Variants in GREB1L observed in about 807,000 individuals in gnomAD.
GREB1L encodes the protein GREB1 like retinoic acid receptor coactivator, also known as GREB1-like protein.
A neutral mutation model predicts 200.8 loss-of-function variants in GREB1L; 17 were observed. That is an observed-to-expected ratio of 0.08 (90% CI 0.06 to 0.13). GREB1L has a LOEUF of 0.13. Ranked by LOEUF, GREB1L falls within the 10% of genes least tolerant of loss-of-function variation. The probability of loss-of-function intolerance (pLI) is 1.00; values close to 1 mark genes in which losing one functional copy is unlikely to be tolerated. For synonymous variants in GREB1L, 789 were observed against 893.0 expected, an observed-to-expected ratio of 0.88 and a Z score of 2.08; for missense variants, 1,657 against 2,367.7, an observed-to-expected ratio of 0.70 and a Z score of 6.23.
At chr18:21,288,156 C>G (rs1483113830) in intron 1 of GREB1L, among the ~76,000 whole-genome samples, 1 of 152,108 alleles carries the variant, frequency 6.6e-6, no homozygotes, top group Non-Finnish European at 1.5e-5. Context: ...ACTTTTTCCC[C>G]CATTCTTTTT....
At chr18:21,358,103 C>A (rs1471605163) in intron 1 of GREB1L, among the ~76,000 whole-genome samples, 1 of 152,084 alleles carries the variant, frequency 6.6e-6, no homozygotes, top group African/African-American at 2.4e-5. Context: ...CACAAGATAT[C>A]TTTCCATTTA....
At chr18:21,426,230 G>A (rs1292349274) in intron 7 of GREB1L, among the ~76,000 whole-genome samples, 1 of 151,684 alleles carries the variant, frequency 6.6e-6, no homozygotes, top group Non-Finnish European at 1.5e-5. Context: ...CTAATTTTTT[G>A]TATTTTTGGT....
Position 21,520,689 on chromosome 18 carries a change from T to C in GREB1L, c.5474T>C (p.Val1825Ala). The C allele has an allele frequency of 6.4e-7, 1 of 1,551,646 alleles. No individual in the cohort carries two copies. Among genetic ancestry groups the C allele is most frequent in the Non-Finnish European group, 8.7e-7 (1 of 1,146,974 alleles). The change falls in exon 32 of 33, where the codon GTG becomes GCG. Residue 1825 changes from valine to alanine, a missense_variant and splice_region_variant. Physicochemically the swap from Val to Ala is moderately conservative, Grantham distance 64 (BLOSUM62 0). This residue lies in a region of GREB1L where 190 missense variants were observed against 230.2 expected (regional missense o/e 0.83). Transcript: ENST00000424526. ...GCTATTTTTGCTTGATGATTTCAGGTGGCCATATGCTATATCAGCTCCAGA... is the reference window on the plus strand; with the variant it reads ...GCTATTTTTGCTTGATGATTTCAGGCGGCCATATGCTATATCAGCTCCAGA... ...IDCYLNIGPE[V>A]AICYISSRPH...
chr18:21,259,658 T>C (rs1201531463), intron 1 of GREB1L, among the ~76,000 whole-genome samples: 2 of 152,106 alleles, frequency 1.3e-5, no homozygotes, highest in African/African-American at 2.4e-5. Context: ...AAGAATTCAA[T>C]TGAACTTATA....
intron 4 of GREB1L, among the ~76,000 whole-genome samples, chr18:21,390,877 A>G (rs1319701566): frequency 6.6e-6 from 1 of 152,232 alleles, no homozygotes; most frequent in African/African-American, 2.4e-5. Flanking sequence ...CAAAACAAAA[A>G]TTTTAATACA....
At chr18:21,370,501 T>C (rs2039832169) in intron 2 of GREB1L, among the ~76,000 whole-genome samples, 1 of 152,226 alleles carries the variant, frequency 6.6e-6, no homozygotes. Context: ...CATCAGGGAA[T>C]GTTTTTAATA....
rs1196955494 is a variant in GREB1L, at chr18:21,485,769, G to A, written c.2690+16G>A. Reference sequence around the variant, plus strand: ...TCTTGGAGAGGTAAATAGTAAATAAGGCCTTCTGCTCTTCTCTCTAGCTGT... The same window carrying A: ...TCTTGGAGAGGTAAATAGTAAATAAAGCCTTCTGCTCTTCTCTCTAGCTGT... On this transcript the variant is annotated intron_variant, in intron 18 of 32. Coordinates refer to ENST00000424526, the MANE Select transcript of GREB1L (RefSeq NM_001142966.3). 1 of 1,550,314 alleles carries A rather than the reference G, an allele frequency of 6.5e-7. No individual in the cohort carries two copies. The highest frequency in any genetic ancestry group is 8.7e-7 in the Non-Finnish European group (1 of 1,146,152).
rs1298365086 is a variant in GREB1L at position 21,242,399 on chromosome 18, C to G, written c.-120+6C>G. ...TCGCGCCCCGCTAGGGCCAGGTGAG[C>G]GGCCGCGGGGACTCCGGGGCGCGGG... On this transcript the variant is annotated splice_donor_region_variant and intron_variant, in intron 1 of 32. Transcript: ENST00000424526. The G allele has an allele frequency of 1.3e-5, 2 of 152,032 alleles. No individual in the cohort carries two copies. Among genetic ancestry groups the G allele is most frequent in the African/African-American group, 4.8e-5 (2 of 41,356 alleles). 9.4% of individuals were successfully genotyped at this position (152,032 alleles called of 1,614,324 possible).
chr18:21,499,577 T>C (rs978936217), intron 21 of GREB1L, among the ~76,000 whole-genome samples, 152 bp from the exon 22 acceptor site: 11 of 152,158 alleles, frequency 7.2e-5, no homozygotes, highest in Non-Finnish European at 1.3e-4. Flanking sequence ...CACGGAGCAA[T>C]GTGGAGAGCG....
intron 4 of GREB1L, among the ~76,000 whole-genome samples, chr18:21,394,368 TC>T (rs1480407791): frequency 6.6e-6 from 1 of 152,210 alleles, no homozygotes; most frequent in East Asian, 1.9e-4. Flanking sequence ...CTGTAGCTGT[TC>T]CCTATAACAC....
At chr18:21,481,809 T>A in intron 17 of GREB1L, among the ~76,000 whole-genome samples, 1 of 152,306 alleles carries the variant, frequency 6.6e-6, no homozygotes, top group South Asian at 2.1e-4. Context: ...TTTTCATGAA[T>A]CGTAAATCAT....
intron 23 of GREB1L, 26 bp from the exon 24 acceptor site, chr18:21,505,386 C>T (rs1183092918): frequency 1.3e-6 from 2 of 1,545,310 alleles, no homozygotes; most frequent in Non-Finnish European, 1.7e-6. Context: ...CAGTCACCTG[C>T]TCTGCACACT....
At chr18:21,444,683 A>T (rs775103416) in intron 11 of GREB1L, among the ~76,000 whole-genome samples, 7 of 152,180 alleles carry the variant, frequency 4.6e-5, no homozygotes, top group Non-Finnish European at 1.0e-4. Context: ...TCTCCAAAGT[A>T]GTTAAGGTAG....
intron 31 of GREB1L, among the ~76,000 whole-genome samples, chr18:21,520,331 G>A (rs2037567648): frequency 6.6e-6 from 1 of 152,160 alleles, no homozygotes; most frequent in Non-Finnish European, 1.5e-5. Flanking sequence ...TCACCAATAA[G>A]GCAATCCAAA....
Position 21,477,256 on chromosome 18 carries a change from T to A in GREB1L, c.2456T>A (p.Leu819His). ...AGAGAAGTTCTGGAAGCTTTCAACC[T>A]CCTGGTGCTCCAGGTCAGCTCCTTC... ...NCREVLEAFN[L>H]LVLQVSSFPY... Residue 819 changes from leucine (L) to histidine (H), a missense_variant, in exon 17 of 33, where the codon CTC (leucine) becomes CAC (histidine). Coordinates refer to ENST00000424526, the MANE Select transcript of GREB1L (RefSeq NM_001142966.3). 6.4e-7 allele frequency: 1 copy of A among 1,551,844 alleles called. No individual in the cohort carries two copies. The highest frequency in any genetic ancestry group is 8.7e-7 in the Non-Finnish European group (1 of 1,146,948).
At chr18:21,297,073 C>T (rs9949888) in intron 1 of GREB1L, among the ~76,000 whole-genome samples, 2,056 of 152,132 alleles carry the variant, frequency 0.014, 48 homozygotes, top group African/African-American at 0.047. Flanking sequence ...GGTTCTCTGA[C>T]CAGCAGAGCC....
chr18:21,268,168 G>A (rs560093560), intron 1 of GREB1L, among the ~76,000 whole-genome samples: 1 of 151,980 alleles, frequency 6.6e-6, no homozygotes, highest in South Asian at 2.1e-4. Flanking sequence ...GGGTAGGCAG[G>A]TGCTTGATGA....
intron 1 of GREB1L, among the ~76,000 whole-genome samples, chr18:21,245,802 C>T (rs1307507655): frequency 6.6e-6 from 1 of 152,206 alleles, no homozygotes; most frequent in Non-Finnish European, 1.5e-5. Flanking sequence ...ACTGCAAGCT[C>T]CGCCTTCCGG....
At chr18:21,450,606 A>G (rs754228763) in intron 12 of GREB1L, 11 of 154,436 alleles carry the variant, frequency 7.1e-5, no homozygotes, top group Non-Finnish European at 1.3e-4. Context: ...TGCAAGCACA[A>G]TTTTTATAAG....
Sources: gnomAD v4.1 joint callset for allele counts (sites outside exome capture counted in the v4.1 genomes callset) on GRCh38, gnomAD v4.1.1 for gene constraint, gnomAD v4.1.1 regional missense constraint, MANE v1.5 for transcripts, NCBI Gene and HGNC (gene_info 2026-07-23, HGNC 2026-07-21) for gene names.